PLEKHG4B: variants seen among roughly 807,000 people sequenced by gnomAD.
The protein encoded by PLEKHG4B is pleckstrin homology and RhoGEF domain containing G4B.
In PLEKHG4B, 111 loss-of-function variants were observed where a neutral mutation model predicts 121.3. The ratio of observed to expected loss-of-function variants is 0.92; its 90% confidence interval spans 0.78 to 1.07. The LOEUF (loss-of-function observed/expected upper bound fraction) is 1.07. PLEKHG4B is among the 50% of genes least tolerant of loss of function. The probability of loss-of-function intolerance (pLI) is 0.00; values close to 1 mark genes in which losing one functional copy is unlikely to be tolerated. For missense variants in PLEKHG4B, 1,831 were observed against 1,757.8 expected, an observed-to-expected ratio of 1.04 and a Z score of -0.74; for synonymous variants, 738 against 725.0, an observed-to-expected ratio of 1.02 and a Z score of -0.29.
At position 174,044 on chromosome 5, in the gene PLEKHG4B, G is replaced by A. The variant is rs201096259; in HGVS notation, c.4348G>A (p.Ala1450Thr). The change falls in exon 18 of 20, where the codon GCA (alanine) becomes ACA (threonine). Residue 1450 changes from alanine to threonine, a missense_variant. Ala to Thr is a moderately conservative substitution (Grantham distance 58). Transcript: ENST00000637938. ...LQASSAEVKSAWTDVIGRILW... is the reference protein window; with the variant it reads ...LQASSAEVKSTWTDVIGRILW... ...AGCAAGCTCGGCAGAGGTCAAGAGTGCATGGACCGATGTCATAGGGAGGAT... is the reference window on the plus strand; with the variant it reads ...AGCAAGCTCGGCAGAGGTCAAGAGTACATGGACCGATGTCATAGGGAGGAT... 1.3e-5 allele frequency: 21 copies of A among 1,602,662 alleles called. No homozygotes were observed. The African/African-American group carries it at 1.9e-4, about 14-fold the overall frequency.
At chr5:96,185 G>A (rs1281572131) in intron 1 of PLEKHG4B, among the ~76,000 whole-genome samples, 1 of 152,196 alleles carries the variant, frequency 6.6e-6, no homozygotes, top group Non-Finnish European at 1.5e-5. Flanking sequence ...TGAGAGGGAG[G>A]GGAAGGCCCT....
rs113114387 is a variant in PLEKHG4B at position 164,620 on chromosome 5, G to C, written c.3476+1072G>C. ...ACGGAGCGGAGCTCACAGTAATGCT[G>C]TGACGGAGCGGAGCTCACACTAATG... On this transcript the variant is annotated intron_variant, in intron 13 of 19. Coordinates refer to ENST00000637938, the MANE Select transcript of PLEKHG4B (RefSeq NM_052909.5). Among the ~76,000 whole-genome samples the C allele has an allele frequency of 3.3e-4, 43 of 132,144 alleles. 3 individuals are homozygous for C. The highest frequency in any genetic ancestry group is 4.7e-4 in the African/African-American group (17 of 36,466). 86.7% of individuals were successfully genotyped at this position (132,144 alleles called of 152,430 possible). A position where few individuals can be genotyped will look rare whatever the true frequency, so the allele number is the denominator to read the frequency against.
chr5:122,969 C>A (rs1734512278), intron 2 of PLEKHG4B, among the ~76,000 whole-genome samples: 1 of 152,124 alleles, frequency 6.6e-6, no homozygotes, highest in Admixed American at 6.5e-5. Context: ...CGATTTTTTA[C>A]CCTCTCCTCT....
In PLEKHG4B at chr5:145,914, A is replaced by G. The variant is rs540218657; in HGVS notation, c.1905+994A>G. ...GCTGAAGACGGAGGCAGAGGCTCCT[A>G]TACTCACTGAGGAATCTCAAGTTTA... On this transcript the variant is annotated intron_variant, in intron 6 of 19. Coordinates refer to ENST00000637938, the MANE Select transcript of PLEKHG4B (RefSeq NM_052909.5). Among the ~76,000 whole-genome samples the G allele has an allele frequency of 2.6e-5, 4 of 152,018 alleles. No individual in the cohort carries two copies. The East Asian group carries it at 5.8e-4, about 22-fold the overall frequency.
rs1553992883 is a variant in PLEKHG4B, at chr5:183,991, C to CGATAGATGATAGATA, written c.*1675_*1676insGATAGATAGATAGAT. The CGATAGATGATAGATA allele has an allele frequency of 1.9e-5, 2 of 104,614 alleles. No homozygotes were observed. Among genetic ancestry groups the CGATAGATGATAGATA allele is most frequent in the South Asian group, 3.1e-4 (1 of 3,182 alleles). The allele number at this position is 104,614 out of a possible 1,614,324, so 6.5% of individuals were successfully genotyped here. On this transcript the variant is annotated 3_prime_UTR_variant, in exon 20 of 20. Transcript: ENST00000637938. ...CAGACAGATAGATAGATAGATAGAT[C>CGATAGATGATAGATA]GATAGATAGATAGATAGATAGATAG...
chr5:178,124 C>T (rs1736820396), intron 18 of PLEKHG4B, among the ~76,000 whole-genome samples: 1 of 152,204 alleles, frequency 6.6e-6, no homozygotes, highest in Admixed American at 6.5e-5. Context: ...CTGGTGGGGT[C>T]CCCCTAAAGG....
chr5:118,697 C>G (rs1646355772), intron 2 of PLEKHG4B, among the ~76,000 whole-genome samples: 1 of 152,090 alleles, frequency 6.6e-6, no homozygotes, highest in South Asian at 2.1e-4. Context: ...TGAATCCTTT[C>G]CAGAGGTTTA....
rs1560944778 is a variant in PLEKHG4B, at chr5:164,560, C to CGGGGCGGAGCTCACACAGTAATGCTG, written c.3476+1012_3476+1013insGGGGCGGAGCTCACACAGTAATGCTG. On this transcript the variant is annotated intron_variant, in intron 13 of 19. Transcript: ENST00000637938. ...GGGGCGGAGCTCACACAGTAATGCT[C>CGGGGCGGAGCTCACACAGTAATGCTG]TGACAGGGGGCGGAGCTCACACAGT... 2.1e-4 allele frequency among the ~76,000 whole-genome samples: 21 copies of CGGGGCGGAGCTCACACAGTAATGCTG among 98,048 alleles called. 1 individual carries two copies. The highest frequency in any genetic ancestry group is 1.2e-3 in the African/African-American group (21 of 16,854). 64.3% of individuals were successfully genotyped at this position (98,048 alleles called of 152,430 possible).
At chr5:111,179 G>A (rs1444217054) in intron 1 of PLEKHG4B, among the ~76,000 whole-genome samples, 1 of 152,246 alleles carries the variant, frequency 6.6e-6, no homozygotes, top group Non-Finnish European at 1.5e-5. Flanking sequence ...GCCCTCAAAG[G>A]ACACAGGACT....
chr5:119,728 G>A (rs1734413118), intron 2 of PLEKHG4B, among the ~76,000 whole-genome samples: 1 of 152,218 alleles, frequency 6.6e-6, no homozygotes, highest in African/African-American at 2.4e-5. Context: ...TGAGGCTGGA[G>A]GAGGATGGAG....
intron 5 of PLEKHG4B, among the ~76,000 whole-genome samples, chr5:143,808 G>T (rs1360771869): frequency 6.6e-6 from 1 of 152,188 alleles, no homozygotes; most frequent in Non-Finnish European, 1.5e-5. Flanking sequence ...AGCTTCTGCC[G>T]GCTTTGAGTC....
chr5:154,735 A>T lies in PLEKHG4B; in HGVS notation c.1993-140A>T, dbSNP rs559962581. ...TTACTGCACCCAGACCCGTGCTATT[A>T]TCAGTGCTTCCAGCAAAGCAGGGGC... On this transcript the variant is annotated intron_variant, in intron 7 of 19. Coordinates refer to ENST00000637938, the MANE Select transcript of PLEKHG4B (RefSeq NM_052909.5). 1.1e-4 allele frequency: 72 copies of T among 664,802 alleles called. No homozygotes were observed. In the Admixed American group the frequency reaches 1.5e-3, roughly 13 times the overall value. 41.2% of individuals were successfully genotyped at this position (664,802 alleles called of 1,614,324 possible).
intron 7 of PLEKHG4B, 52 bp from the exon 8 acceptor site, chr5:154,823 C>T: frequency 2.2e-6 from 3 of 1,372,562 alleles, no homozygotes; most frequent in Middle Eastern, 1.8e-4. Flanking sequence ...ACAGTGTTTG[C>T]CCCCAAGAGA....
intron 1 of PLEKHG4B, among the ~76,000 whole-genome samples, chr5:99,214 T>A (rs1259855734): frequency 5.6e-5 from 7 of 125,308 alleles, no homozygotes; most frequent in Admixed American, 4.0e-4. Context: ...ATATATATAT[T>A]TTGCGATTTT....
chr5:104,960 G>T (rs1733931075), intron 1 of PLEKHG4B, among the ~76,000 whole-genome samples: 1 of 152,170 alleles, frequency 6.6e-6, no homozygotes, highest in Admixed American at 6.5e-5. Context: ...TCCAGTTCTG[G>T]TGTTCCCGTC....
At chr5:101,968 A>G (rs1733830613) in intron 1 of PLEKHG4B, among the ~76,000 whole-genome samples, 1 of 89,940 alleles carries the variant, frequency 1.1e-5, no homozygotes, top group South Asian at 3.0e-4. Context: ...GTTAATCCAT[A>G]TAAAGCCCTG....
intron 12 of PLEKHG4B, 106 bp from the exon 13 acceptor site, chr5:162,616 G>A (rs1413722268): frequency 2.4e-6 from 2 of 825,966 alleles, no homozygotes; most frequent in Non-Finnish European, 3.4e-6. Context: ...CTGCTTTCTG[G>A]CCCCCTGGTC....
chr5:171,236 A>G lies in PLEKHG4B; in HGVS notation c.3842A>G (p.Asp1281Gly). 2 of 1,606,520 alleles carry G rather than the reference A, an allele frequency of 1.2e-6. No individual in the cohort carries two copies. The highest frequency in any genetic ancestry group is 2.2e-5 in the East Asian group (1 of 44,662). Residue 1281 changes from aspartate to glycine, a missense_variant, in exon 16 of 20, where the codon GAC (aspartate) becomes GGC (glycine). Physicochemically the swap from Asp to Gly is moderately conservative, Grantham distance 94. Transcript: ENST00000637938. ...CAGGACAAGCAGCGGGAGCTAGGTG[A>G]CAAAATGGACCTGGCCTCCTACCTG... is the stretch of plus-strand genomic sequence containing the variant. Reference protein sequence around the residue: ...FFKDKQRELGDKMDLASYLLR... With the variant: ...FFKDKQRELGGKMDLASYLLR...
At chr5:136,674 T>G (rs544268179) in intron 2 of PLEKHG4B, among the ~76,000 whole-genome samples, 2 of 152,284 alleles carry the variant, frequency 1.3e-5, no homozygotes, top group African/African-American at 4.8e-5. Context: ...GAAAACACCA[T>G]TAATAGGAAA....
Sources: gnomAD v4.1 joint callset for allele counts (sites outside exome capture counted in the v4.1 genomes callset) on GRCh38, gnomAD v4.1.1 for gene constraint, MANE v1.5 for transcripts, NCBI Gene and HGNC (gene_info 2026-07-23, HGNC 2026-07-21) for gene names.